SNX8: variants seen among roughly 807,000 people sequenced by gnomAD.
SNX8 encodes the protein sorting nexin-8.
Under a neutral mutation model 51.6 loss-of-function variants are expected in SNX8, and 25 were observed. The ratio of observed to expected loss-of-function variants is 0.48; its 90% confidence interval spans 0.35 to 0.68. The LOEUF (loss-of-function observed/expected upper bound fraction) is 0.68. Ranked by LOEUF, SNX8 falls within the 30% of genes least tolerant of loss-of-function variation. SNX8 has a pLI of 0.00. For missense variants in SNX8, 695 were observed against 624.0 expected, an observed-to-expected ratio of 1.11 and a Z score of -1.21; for synonymous variants, 324 against 277.0, an observed-to-expected ratio of 1.17 and a Z score of -1.68.
rs751286351 is a variant in SNX8, at chr7:2,255,068, C to T, written c.1386G>A (p.Leu462=). The change falls in exon 11 of 11, where the codon CTG becomes CTA. Residue 462 remains leucine (L), a synonymous_variant. Coordinates refer to ENST00000222990, the MANE Select transcript of SNX8 (RefSeq NM_013321.4). ...TCAGCCTCAGGCGCTAGTGAGGACA[C>T]AGGCCGTCCTCCGGCGGGGAGCACG... ...TPPCSPPEDG[L]CPH 1.0e-5 allele frequency: 16 copies of T among 1,567,860 alleles called. No homozygotes were observed. The South Asian group carries it at 1.8e-4, about 17-fold the overall frequency.
At position 2,252,141 on chromosome 7, in the gene SNX8, C is replaced by G. The variant is rs893862907; in HGVS notation, c.*2915G>C. The G allele has an allele frequency of 7.5e-6, 1 of 133,322 alleles. No individual in the cohort carries two copies. The highest frequency in any genetic ancestry group is 2.8e-5 in the African/African-American group (1 of 35,152). The allele number at this position is 133,322 out of a possible 1,614,324, so 8.3% of individuals were successfully genotyped here. A position where few individuals can be genotyped will look rare whatever the true frequency, so the allele number is the denominator to read the frequency against. ...CCCTTCCCACAGCCCCGCCAGCCCA[C>G]AACCCCCCTCCCACGGCCCCGCCAG... is the stretch of plus-strand genomic sequence containing the variant. On this transcript the variant is annotated 3_prime_UTR_variant, in exon 11 of 11. Transcript: ENST00000222990.
chr7:2,268,548 T>G (rs1351213001), intron 5 of SNX8, among the ~76,000 whole-genome samples: 6 of 116,208 alleles, frequency 5.2e-5, no homozygotes, highest in African/African-American at 1.0e-4. Flanking sequence ...GGGAGGGAGG[T>G]GGGGGGGTCA....
At chr7:2,291,505 C>T (rs1562441905) in intron 1 of SNX8, among the ~76,000 whole-genome samples, 3 of 150,986 alleles carry the variant, frequency 2.0e-5, no homozygotes, top group Non-Finnish European at 3.0e-5. Context: ...GGCTGAGGCA[C>T]GAGAATCACT....
At chr7:2,259,052 C>T (rs530503621) in intron 7 of SNX8, among the ~76,000 whole-genome samples, 2 of 152,320 alleles carry the variant, frequency 1.3e-5, no homozygotes, top group African/African-American at 2.4e-5. Flanking sequence ...GCACACGGCC[C>T]GAACACACGG....
At chr7:2,348,739 G>C (rs1357804813) in intron 1 of SNX8, among the ~76,000 whole-genome samples, 1 of 151,572 alleles carries the variant, frequency 6.6e-6, no homozygotes, top group African/African-American at 2.4e-5. Flanking sequence ...CTGAGGTCAG[G>C]AGTTCAAGGC....
chr7:2,265,265 C>T (rs1205258045), intron 5 of SNX8, among the ~76,000 whole-genome samples: 2 of 151,776 alleles, frequency 1.3e-5, no homozygotes, highest in African/African-American at 4.8e-5. Context: ...GCATGAACCC[C>T]GGAGGCGGAG....
chr7:2,351,915 T>TG (rs1043563815), intron 1 of SNX8, among the ~76,000 whole-genome samples: 10 of 146,686 alleles, frequency 6.8e-5, no homozygotes, highest in Admixed American at 1.4e-4. Context: ...GTTTTTTTTT[T>TG]TTTTTTTTTT....
intron 6 of SNX8, among the ~76,000 whole-genome samples, chr7:2,263,837 C>T (rs1172003064): frequency 1.6e-4 from 25 of 152,124 alleles, no homozygotes; most frequent in Admixed American, 1.2e-3. Flanking sequence ...CTCAGCCTCC[C>T]GAGTAGCTGA....
Position 2,293,605 on chromosome 7 carries a change from T to A in SNX8, c.95-15300A>T, listed in dbSNP as rs551885429. Among the ~76,000 whole-genome samples, 90 of 150,080 alleles carry A rather than the reference T, an allele frequency of 6.0e-4. 1 individual carries two copies. The highest frequency in any genetic ancestry group is 1.2e-3 in the Non-Finnish European group (78 of 67,748). ...TGAACCCAGGAGGTGATGGTTGCAGTGAGCCAAGATAGCGCCATTGTACTC... is the reference window on the plus strand; with the variant it reads ...TGAACCCAGGAGGTGATGGTTGCAGAGAGCCAAGATAGCGCCATTGTACTC... On this transcript the variant is annotated intron_variant, in intron 1 of 10. Coordinates refer to ENST00000222990, the MANE Select transcript of SNX8 (RefSeq NM_013321.4).
At chr7:2,293,668 T>TA in intron 1 of SNX8, among the ~76,000 whole-genome samples, 1 of 142,902 alleles carries the variant, frequency 7.0e-6, no homozygotes, top group Middle Eastern at 4.1e-3. Flanking sequence ...TCTCAAAAAT[T>TA]AAAAAAAGAG....
chr7:2,309,985 C>A, intron 1 of SNX8: 1 of 416,214 alleles, frequency 2.4e-6, no homozygotes, highest in Non-Finnish European at 4.9e-6. Flanking sequence ...ACAAACAGCA[C>A]GGAGCTTCCG....
intron 1 of SNX8, among the ~76,000 whole-genome samples, chr7:2,280,474 T>G (rs1436334992): frequency 2.0e-5 from 3 of 148,734 alleles, no homozygotes; most frequent in Admixed American, 1.3e-4. Flanking sequence ...AGAGACTCTG[T>G]CTCAAAAAAA....
rs1269767133 is a variant in SNX8, at chr7:2,351,125, AAAAG to A, written c.-66+3093_-66+3096del. Among the ~76,000 whole-genome samples, 5 of 151,434 alleles carry A rather than the reference AAAAG, an allele frequency of 3.3e-5. No homozygotes were observed. In the East Asian group the frequency reaches 9.8e-4, roughly 30 times the overall value. ...AGAGTGAGACCTTGTCTCAAAAACA[AAAAG>A]AAAAAAATCTACCCCTGGAAGCACA... On this transcript the variant is annotated intron_variant, in intron 1 of 5. Transcript: ENST00000435336.
chr7:2,315,650 T>A (rs1374507802), upstream of SNX8, among the ~76,000 whole-genome samples: 2 of 151,420 alleles, frequency 1.3e-5, no homozygotes, highest in African/African-American at 4.9e-5. Context: ...ACTCACGCAC[T>A]GCATCCTGCA....
At chr7:2,306,527 G>A (rs777090970) in intron 1 of SNX8, among the ~76,000 whole-genome samples, 20 of 152,012 alleles carry the variant, frequency 1.3e-4, no homozygotes, top group Non-Finnish European at 2.2e-4. Context: ...TAGCACTTTC[G>A]AAGCACAACT....
intron 5 of SNX8, among the ~76,000 whole-genome samples, chr7:2,268,577 C>A (rs1407803964): frequency 1.4e-5 from 2 of 145,386 alleles, no homozygotes; most frequent in Non-Finnish European, 1.5e-5. Flanking sequence ...CCTGGCCAGC[C>A]GCCCTGTCCG....
chr7:2,354,272 T>C (rs1413308703), exon 1 of SNX8: 1 of 152,284 alleles, frequency 6.6e-6, no homozygotes, highest in African/African-American at 2.4e-5. Context: ...GGGCCCTCTC[T>C]GGCTCGCCCC....
chr7:2,330,350 C>A (rs1202797718), intron 1 of SNX8, among the ~76,000 whole-genome samples: 1 of 151,902 alleles, frequency 6.6e-6, no homozygotes, highest in African/African-American at 2.4e-5. Flanking sequence ...GTTGCCCAGG[C>A]TGGTCTTGAA....
intron 4 of SNX8, 115 bp downstream of exon 4, chr7:2,271,735 G>A (rs1436167563): frequency 2.5e-6 from 3 of 1,185,716 alleles, no homozygotes; most frequent in Non-Finnish European, 2.3e-6. Flanking sequence ...ATTCCTGCTG[G>A]GCGTCCAAAC....
Sources: gnomAD v4.1 joint callset for allele counts (sites outside exome capture counted in the v4.1 genomes callset) on GRCh38, gnomAD v4.1.1 for gene constraint, MANE v1.5 for transcripts, NCBI Gene and HGNC (gene_info 2026-07-23, HGNC 2026-07-21) for gene names.